The following PDE9A variants were observed in gnomAD, a reference collection of about 807,000 sequenced individuals.
The protein encoded by PDE9A is high affinity cGMP-specific 3',5'-cyclic phosphodiesterase 9A.
In PDE9A, 60 loss-of-function variants were observed where a neutral mutation model predicts 87.4. The observed-to-expected ratio is 0.69, with a 90% CI of 0.56 to 0.85. The LOEUF is 0.85. Among genes scored for constraint, PDE9A ranks in the 40% least tolerant of loss-of-function variants. PDE9A has a pLI of 0.00. For synonymous variants in PDE9A, 272 were observed against 279.4 expected (o/e 0.97, Z 0.27); for missense variants, 665 against 779.0 (o/e 0.85, Z 1.74).
At chr21:42,674,975 C>A (rs2058765634) in intron 1 of PDE9A, among the ~76,000 whole-genome samples, 1 of 152,190 alleles carries the variant, frequency 6.6e-6, no homozygotes, top group South Asian at 2.1e-4. Context: ...ATATTCAGTG[C>A]AGAAATTCTG....
chr21:42,667,711 G>A (rs1406238182), intron 1 of PDE9A, among the ~76,000 whole-genome samples: 1 of 152,094 alleles, frequency 6.6e-6, no homozygotes, highest in African/African-American at 2.4e-5. Flanking sequence ...GCCTTGCTGG[G>A]CCTTCTTGAA....
intron 9 of PDE9A, among the ~76,000 whole-genome samples, chr21:42,753,509 G>A (rs577730048): frequency 3.5e-4 from 53 of 152,212 alleles, no homozygotes; most frequent in African/African-American, 1.2e-3. Flanking sequence ...ATCTCCACCC[G>A]TAGCATTGGC....
rs562870480 is a variant in PDE9A at position 42,662,017 on chromosome 21, C to A, written c.69+8134C>A. ...GCTGTGTGGCCTCCCTGGGGCAAGT[C>A]ATTCACCCTCTCTGTGCCTCAGTGT... On this transcript the variant is annotated intron_variant, in intron 1 of 19. Coordinates refer to ENST00000291539, the MANE Select transcript of PDE9A (RefSeq NM_002606.3). Among the ~76,000 whole-genome samples the A allele has an allele frequency of 5.3e-5, 8 of 152,316 alleles. No individual in the cohort carries two copies. In the East Asian group the frequency reaches 1.2e-3, roughly 22 times the overall value.
At chr21:42,701,162 T>C (rs1020704496) in intron 4 of PDE9A, 3 of 152,218 alleles carry the variant, frequency 2.0e-5, no homozygotes, top group Admixed American at 6.5e-5. Context: ...CCATTGTTAA[T>C]ATGAAGTACT....
At chr21:42,726,624 A>ATATATATATATAT in intron 4 of PDE9A, among the ~76,000 whole-genome samples, 1 of 19,778 alleles carries the variant, frequency 5.1e-5, no homozygotes, top group Non-Finnish European at 7.5e-5. Context: ...ATATATATAT[A>ATATATATATATAT]TTTTTTTTTT....
chr21:42,679,078 G>A (rs965760178), intron 1 of PDE9A, among the ~76,000 whole-genome samples: 1 of 152,198 alleles, frequency 6.6e-6, no homozygotes, highest in Non-Finnish European at 1.5e-5. Context: ...ATGGACCCCA[G>A]AGATCCAGGT....
At chr21:42,661,728 G>A (rs958889370) in intron 1 of PDE9A, among the ~76,000 whole-genome samples, 1 of 152,166 alleles carries the variant, frequency 6.6e-6, no homozygotes, top group African/African-American at 2.4e-5. Flanking sequence ...TGTTGTGATG[G>A]GTTTATTGTT....
At chr21:42,700,108 G>C (rs115053579) in intron 4 of PDE9A, among the ~76,000 whole-genome samples, 69 of 152,136 alleles carry the variant, frequency 4.5e-4, no homozygotes, top group African/African-American at 1.6e-3. Context: ...TCATATATAA[G>C]AAATTACATG....
intron 3 of PDE9A, 77 bp from the exon 4 acceptor site, chr21:42,698,891 G>A (rs1453667525): frequency 1.8e-5 from 15 of 845,880 alleles, no homozygotes; most frequent in East Asian, 5.1e-5. Context: ...TAATCATGCC[G>A]AGTGCTTATC....
chr21:42,727,489 A>AT (rs58515760), intron 4 of PDE9A, among the ~76,000 whole-genome samples: 2,447 of 87,980 alleles, frequency 0.028, 287 homozygotes, highest in African/African-American at 0.095. Context: ...ACGCCTGGCT[A>AT]TTTTTTTTTT....
intron 4 of PDE9A, among the ~76,000 whole-genome samples, chr21:42,708,285 A>G (rs1463376716): frequency 6.6e-6 from 1 of 152,208 alleles, no homozygotes; most frequent in East Asian, 1.9e-4. Flanking sequence ...AGCAGCCCTT[A>G]GCGTGCCACT....
In PDE9A at chr21:42,753,979, G is replaced by A; in HGVS notation, c.736-11G>A. The A allele has an allele frequency of 6.3e-7, 1 of 1,596,314 alleles. No homozygotes were observed. The highest frequency in any genetic ancestry group is 1.1e-5 in the South Asian group (1 of 90,542). ...GGCGCCTGGTTAACACGGAACTCCT[G>A]TCCTTTCTAGTACCTGCTCTCTCCA... On this transcript the variant is annotated splice_polypyrimidine_tract_variant and intron_variant, in intron 9 of 19. Coordinates refer to ENST00000291539, the MANE Select transcript of PDE9A (RefSeq NM_002606.3).
At chr21:42,756,504 A>G (rs1433879343) in intron 10 of PDE9A, among the ~76,000 whole-genome samples, 1 of 152,202 alleles carries the variant, frequency 6.6e-6, no homozygotes, top group Non-Finnish European at 1.5e-5. Flanking sequence ...AACCAGACAG[A>G]GGACATGACT....
chr21:42,751,510 C>T lies in PDE9A; in HGVS notation c.735+313C>T, dbSNP rs560172874. Among the ~76,000 whole-genome samples, 4 of 152,318 alleles carry T rather than the reference C, an allele frequency of 2.6e-5. No individual in the cohort carries two copies. The South Asian group carries it at 8.3e-4, about 32-fold the overall frequency. On this transcript the variant is annotated intron_variant, in intron 9 of 19. Transcript: ENST00000291539. The stretch of plus-strand genomic sequence containing the variant: ...CAAACGTTACTGGAAAGAACTTTAA[C>T]GTTTAACTGAATTTTTAAAAATCCA...
At chr21:42,737,124 C>T (rs2146793988) in intron 7 of PDE9A, among the ~76,000 whole-genome samples, 1 of 152,376 alleles carries the variant, frequency 6.6e-6, no homozygotes, top group Middle Eastern at 3.4e-3. Context: ...AAGGTCAGTC[C>T]CAACCCTGCA....
In PDE9A at chr21:42,687,256, A is replaced by T. The variant is rs570527041; in HGVS notation, c.141-661A>T. Among the ~76,000 whole-genome samples the T allele has an allele frequency of 5.9e-5, 9 of 152,370 alleles. No individual in the cohort carries two copies. In the South Asian group the frequency reaches 1.9e-3, roughly 32 times the overall value. ...CACGTCTGAAAGTGCAGCAAATGGC[A>T]GTTTTAGCCGCAAAAATAGCCCATG... On this transcript the variant is annotated intron_variant, in intron 2 of 19. Coordinates refer to ENST00000291539, the MANE Select transcript of PDE9A (RefSeq NM_002606.3).
At position 42,726,624 on chromosome 21, in the gene PDE9A, A is replaced by ATTTTTTTTTTTTT. The variant is rs1197356167; in HGVS notation, c.263-5141_263-5129dup. ...TATATATATATATATATATATATAT[A>ATTTTTTTTTTTTT]TTTTTTTTTTTTTTTTTGTAGAGAT... On this transcript the variant is annotated intron_variant, in intron 4 of 19. Coordinates refer to ENST00000291539, the MANE Select transcript of PDE9A (RefSeq NM_002606.3). Among the ~76,000 whole-genome samples, 51 of 19,778 alleles carry ATTTTTTTTTTTTT rather than the reference A, an allele frequency of 2.6e-3. 2 individuals are homozygous for ATTTTTTTTTTTTT. The highest frequency in any genetic ancestry group is 7.2e-3 in the East Asian group (4 of 558). The allele number at this position is 19,778 out of a possible 152,430, so 13.0% of individuals were successfully genotyped here.
At chr21:42,688,506 G>A (rs2059602455) in intron 3 of PDE9A, among the ~76,000 whole-genome samples, 1 of 152,220 alleles carries the variant, frequency 6.6e-6, no homozygotes, top group African/African-American at 2.4e-5. Context: ...GAATGTCTGT[G>A]AACTAGGTCA....
chr21:42,654,389 G>A (rs1364079413), intron 1 of PDE9A, among the ~76,000 whole-genome samples: 1 of 152,178 alleles, frequency 6.6e-6, no homozygotes, highest in African/African-American at 2.4e-5. Context: ...GGGGGGCAGC[G>A]GGTCCGGCTC....
Sources: gnomAD v4.1 joint callset for allele counts (sites outside exome capture counted in the v4.1 genomes callset) on GRCh38, gnomAD v4.1.1 for gene constraint, MANE v1.5 for transcripts, NCBI Gene and HGNC (gene_info 2026-07-23, HGNC 2026-07-21) for gene names.